Variants in TENM3 observed in about 807,000 individuals in gnomAD.
TENM3 encodes the protein teneurin transmembrane protein 3.
A neutral mutation model predicts 255.1 loss-of-function variants in TENM3; 63 were observed. The observed-to-expected ratio is 0.25, with a 90% CI of 0.20 to 0.30. The LOEUF is 0.30. Among genes scored for constraint, TENM3 ranks in the 10% least tolerant of loss-of-function variants. The pLI is 1.00. For missense variants in TENM3, 2,929 were observed against 3,461.1 expected (o/e 0.85, Z 3.86); for synonymous variants, 1,306 against 1,322.3 (o/e 0.99, Z 0.27).
the TENM3 span, among the ~76,000 whole-genome samples, chr4:181,710,790 C>T: frequency 2.0e-5 from 3 of 151,646 alleles, no homozygotes; most frequent in African/African-American, 7.3e-5. Flanking sequence ...CTCAAGCTAT[C>T]CTCCCGCCTC....
At chr4:181,549,055 G>A in the TENM3 span, among the ~76,000 whole-genome samples, 1 of 152,152 alleles carries the variant, frequency 6.6e-6, no homozygotes, top group East Asian at 1.9e-4. Flanking sequence ...AAACATCCAT[G>A]CTTCCAAAGA....
the TENM3 span, among the ~76,000 whole-genome samples, chr4:181,492,955 T>G: frequency 7.9e-5 from 12 of 152,244 alleles, no homozygotes; most frequent in Non-Finnish European, 1.6e-4. Flanking sequence ...TACCATTTGA[T>G]TAGTTCCAAG....
At chr4:182,539,492 C>T (rs893576704) in intron 3 of TENM3, among the ~76,000 whole-genome samples, 17 of 152,016 alleles carry the variant, frequency 1.1e-4, no homozygotes, top group Admixed American at 8.5e-4. Context: ...AACATGGTAT[C>T]TGTATGTTCA....
At chr4:182,343,411 T>G (rs757132459) in intron 2 of TENM3, among the ~76,000 whole-genome samples, 1 of 152,152 alleles carries the variant, frequency 6.6e-6, no homozygotes, top group Non-Finnish European at 1.5e-5. Flanking sequence ...AAGAAAGAAA[T>G]TAAAGCAATG....
rs754455087 is a variant in TENM3 at position 182,688,253 on chromosome 4, A to G, written c.2123A>G (p.Asn708Ser). The change falls in exon 12 of 28, where the codon AAT (asparagine) becomes AGT (serine). Residue 708 changes from asparagine (N) to serine (S), a missense_variant. By Grantham distance (46) the Asn-to-Ser change is conservative (BLOSUM62 1). Transcript: ENST00000511685. ...CEEGWTGPACNQRACHPRCAE... is the reference protein window; with the variant it reads ...CEEGWTGPACSQRACHPRCAE... ...GAAGGCTGGACGGGCCCAGCCTGTA[A>G]TCAGAGAGCCTGCCACCCCCGCTGT... 1 of 1,613,930 alleles carries G rather than the reference A, an allele frequency of 6.2e-7. No individual in the cohort carries two copies. Among genetic ancestry groups the G allele is most frequent in the South Asian group, 1.1e-5 (1 of 91,074 alleles).
At chr4:182,400,519 T>A (rs1769149079) in intron 3 of TENM3, among the ~76,000 whole-genome samples, 1 of 152,236 alleles carries the variant, frequency 6.6e-6, no homozygotes. Flanking sequence ...GTTGATATTG[T>A]AAAGCTAGCA....
chr4:182,087,796 T>C, the TENM3 span, among the ~76,000 whole-genome samples: 1 of 152,246 alleles, frequency 6.6e-6, no homozygotes, highest in Non-Finnish European at 1.5e-5. Context: ...ATTTATTCTA[T>C]GTGCTTCAAA....
chr4:182,454,985 C>T (rs1773751747), intron 3 of TENM3, among the ~76,000 whole-genome samples: 1 of 152,144 alleles, frequency 6.6e-6, no homozygotes, highest in Non-Finnish European at 1.5e-5. Context: ...TTAATGGGAG[C>T]TGAGTATGAA....
intron 3 of TENM3, among the ~76,000 whole-genome samples, chr4:182,590,914 G>T (rs1026983153): frequency 1.3e-4 from 20 of 151,838 alleles, no homozygotes; most frequent in Admixed American, 3.3e-4. Context: ...GACCTCCTCA[G>T]GAAAGCTATG....
At chr4:181,957,942 T>C in the TENM3 span, among the ~76,000 whole-genome samples, 1 of 152,206 alleles carries the variant, frequency 6.6e-6, no homozygotes, top group African/African-American at 2.4e-5. Context: ...AAAATATGTT[T>C]TTCTTTGGGT....
At chr4:181,478,493 C>T in the TENM3 span, among the ~76,000 whole-genome samples, 1 of 152,170 alleles carries the variant, frequency 6.6e-6, no homozygotes, top group Non-Finnish European at 1.5e-5. Flanking sequence ...CATGAAAGCC[C>T]TGAACGTCCG....
intron 1 of TENM3, among the ~76,000 whole-genome samples, chr4:182,277,469 A>G (rs1440727331): frequency 6.6e-6 from 1 of 152,150 alleles, no homozygotes; most frequent in Non-Finnish European, 1.5e-5. Context: ...TATACACTAC[A>G]TTTTGGGCTG....
At chr4:182,179,857 A>G (rs1474360884) in intron 1 of TENM3, among the ~76,000 whole-genome samples, 2 of 152,216 alleles carry the variant, frequency 1.3e-5, no homozygotes, top group Non-Finnish European at 2.9e-5. Context: ...CTTTTATATT[A>G]GTTTAGAATA....
the TENM3 span, among the ~76,000 whole-genome samples, chr4:181,505,589 G>A: frequency 5.3e-5 from 8 of 152,052 alleles, no homozygotes; most frequent in Admixed American, 3.9e-4. Flanking sequence ...CAAACTTTCC[G>A]TTTATTTCTA....
At chr4:182,540,523 G>T (rs990552268) in intron 3 of TENM3, among the ~76,000 whole-genome samples, 2 of 152,006 alleles carry the variant, frequency 1.3e-5, no homozygotes, top group Admixed American at 6.6e-5. Context: ...GGAGGCGGAG[G>T]TTACGGTGAG....
At chr4:182,554,067 C>T (rs1241364372) in intron 3 of TENM3, among the ~76,000 whole-genome samples, 1 of 152,122 alleles carries the variant, frequency 6.6e-6, no homozygotes, top group African/African-American at 2.4e-5. Context: ...TAAGTACGTA[C>T]ATAGAACCTG....
intron 6 of TENM3, among the ~76,000 whole-genome samples, chr4:182,667,291 A>C (rs989287201): frequency 6.6e-6 from 1 of 152,032 alleles, no homozygotes; most frequent in African/African-American, 2.4e-5. Context: ...CCCAGGTTCA[A>C]GTGATTCTCC....
intron 4 of TENM3, among the ~76,000 whole-genome samples, chr4:182,605,877 C>G (rs902991209): frequency 1.3e-5 from 2 of 152,174 alleles, no homozygotes; most frequent in Non-Finnish European, 2.9e-5. Context: ...CCTGGAATTG[C>G]AGCATAAACT....
At chr4:182,776,007 T>C (rs1220337175) in intron 24 of TENM3, among the ~76,000 whole-genome samples, 2 of 151,512 alleles carry the variant, frequency 1.3e-5, no homozygotes, top group Non-Finnish European at 3.0e-5. Context: ...ATAGGAGATA[T>C]ATATAGATAG....
Sources: allele counts gnomAD v4.1 joint callset (sites outside exome capture counted in the v4.1 genomes callset), GRCh38; gene constraint gnomAD v4.1.1; transcripts MANE v1.5; gene names NCBI Gene and HGNC (gene_info 2026-07-23, HGNC 2026-07-21).